Variants in PNPLA7 observed in about 807,000 individuals in gnomAD.
PNPLA7 encodes patatin like domain 7, lysophospholipase.
Under a neutral mutation model 161.7 loss-of-function variants are expected in PNPLA7, and 153 were observed. The observed-to-expected ratio is 0.95, with a 90% CI of 0.83 to 1.08. PNPLA7 has a LOEUF of 1.08. PNPLA7 is among the 50% of genes least tolerant of loss of function. PNPLA7 has a pLI of 0.00. For missense variants in PNPLA7, 1,739 were observed against 1,856.6 expected (o/e 0.94, Z 1.16); for synonymous variants, 809 against 782.1 (o/e 1.03, Z -0.57).
intron 20 of PNPLA7, chr9:137,491,685 G>A (rs1263794496): frequency 3.0e-6 from 3 of 985,310 alleles, no homozygotes; most frequent in Non-Finnish European, 2.4e-6. Flanking sequence ...CCTAGAGTGG[G>A]GCTCACACTT....
chr9:137,547,734 A>G lies in PNPLA7; in HGVS notation c.31-75T>C. On this transcript the variant is annotated intron_variant, in intron 1 of 34. Coordinates refer to ENST00000406427, the MANE Select transcript of PNPLA7 (RefSeq NM_001098537.3). The surrounding 1 kb of genome is among the most constrained non-coding windows in gnomAD (Gnocchi z 4.6). Reference sequence around the variant, plus strand: ...CGAACTTGTTCAGAGCAGCAGGAGGAGAGCTGGGAGTTAGGGGAGAAGTCA... The same window carrying G: ...CGAACTTGTTCAGAGCAGCAGGAGGGGAGCTGGGAGTTAGGGGAGAAGTCA... 3 of 1,388,514 alleles carry G rather than the reference A, an allele frequency of 2.2e-6. No individual in the cohort carries two copies. In the South Asian group the frequency reaches 3.5e-5, roughly 16 times the overall value. The allele number at this position is 1,388,514 out of a possible 1,614,324, so 86.0% of individuals were successfully genotyped here.
rs764769202 is a variant in PNPLA7 at position 137,497,286 on chromosome 9, C to T, written c.1914G>A (p.Thr638=). The T allele has an allele frequency of 5.1e-6, 8 of 1,581,750 alleles. No individual in the cohort carries two copies. The highest frequency in any genetic ancestry group is 3.6e-5 in the Admixed American group (2 of 56,286). ...GCAGCCGGCCGCTGAGCATGATGTA[C>T]GTGCAGTCGGACTTGTCCCCCTGCC... ...IYRQGDKSDC[T]YIMLSGRLRS... The change falls in exon 18 of 35, where the codon ACG becomes ACA. Residue 638 remains threonine (T), a synonymous_variant. Coordinates refer to ENST00000406427, the MANE Select transcript of PNPLA7 (RefSeq NM_001098537.3).
intron 31 of PNPLA7, 40 bp from the exon 32 acceptor site, chr9:137,462,081 GC>G (rs781366750): frequency 1.8e-4 from 279 of 1,531,138 alleles, no homozygotes; most frequent in Non-Finnish European, 2.3e-4. Context: ...GGTGTGGGGA[GC>G]CCCCCACTTC....
chr9:137,464,052 C>G (rs1380072924), intron 28 of PNPLA7, 74 bp downstream of exon 28: 1 of 1,523,544 alleles, frequency 6.6e-7, no homozygotes, highest in Non-Finnish European at 9.0e-7. Context: ...CTTCCCAACC[C>G]CTGGGGCTGC....
At chr9:137,522,616 T>C in intron 9 of PNPLA7, 113 bp downstream of exon 9, 4 of 1,212,394 alleles carry the variant, frequency 3.3e-6, no homozygotes, top group Non-Finnish European at 4.7e-6. Context: ...GCTGTAAAGC[T>C]CAGAACTGAG....
Position 137,462,182 on chromosome 9 carries a change from G to C in PNPLA7, c.3642C>G (p.Ile1214Met), listed in dbSNP as rs750606934. 158 of 1,564,224 alleles carry C rather than the reference G, an allele frequency of 1.0e-4. No homozygotes were observed. Among genetic ancestry groups the C allele is most frequent in the Non-Finnish European group, 1.3e-4 (146 of 1,151,296 alleles). ...STLDFGKFNEICEVGYQHGRT... is the reference protein window; with the variant it reads ...STLDFGKFNEMCEVGYQHGRT... ...GCCGCGGGTGGCCGGCACTCACGCA[G>C]ATCTCGTTGAACTTGCCGAAGTCCA... Residue 1214 changes from isoleucine to methionine, a missense_variant, in exon 31 of 35, where the codon ATC (isoleucine) becomes ATG (methionine). Physicochemically the swap from Ile to Met is conservative, Grantham distance 10 (BLOSUM62 1). This residue lies in a region of PNPLA7 where 703 missense variants were observed against 694.6 expected (regional missense o/e 1.01). Transcript: ENST00000406427.
rs943138327 is a variant in PNPLA7 at position 137,498,731 on chromosome 9, C to T, written c.1758-486G>A. On this transcript the variant is annotated intron_variant, in intron 16 of 34. Coordinates refer to ENST00000406427, the MANE Select transcript of PNPLA7 (RefSeq NM_001098537.3). ...CCTCTGACCCGGGGAACACTGTTCT[C>T]TCCCCGGTGGTCGTGTGTGGACAGA... 9.2e-5 allele frequency among the ~76,000 whole-genome samples: 14 copies of T among 152,260 alleles called. No individual in the cohort carries two copies. The East Asian group carries it at 1.2e-3, about 13-fold the overall frequency.
chr9:137,470,747 T>C (rs1831668160), intron 25 of PNPLA7, among the ~76,000 whole-genome samples: 1 of 152,230 alleles, frequency 6.6e-6, no homozygotes, highest in Non-Finnish European at 1.5e-5. Flanking sequence ...ACAGGATAAC[T>C]TTAACATCAG....
chr9:137,493,184 G>A (rs118060639), intron 19 of PNPLA7, 102 bp from the exon 20 acceptor site: 13,611 of 1,205,204 alleles, frequency 0.011, 111 homozygotes, highest in Non-Finnish European at 0.014. Context: ...AGCCAATGGC[G>A]CTGGATCTGC....
At chr9:137,479,722 T>G (rs1588561092) in intron 23 of PNPLA7, 1 of 985,322 alleles carries the variant, frequency 1.0e-6, no homozygotes, top group African/African-American at 1.7e-5. Context: ...CGAACAGGAC[T>G]GGGTGGCCAT....
intron 8 of PNPLA7, among the ~76,000 whole-genome samples, chr9:137,539,451 C>T (rs1385462721): frequency 6.6e-6 from 1 of 152,176 alleles, no homozygotes; most frequent in Non-Finnish European, 1.5e-5. Context: ...GTAGGCAGAT[C>T]ACTTGATCCC....
In PNPLA7 at chr9:137,487,315, C is replaced by T. The variant is rs951426398; in HGVS notation, c.2198-2579G>A. Reference sequence around the variant, plus strand: ...TGGAGACGTGCAGAGGCATCCACACCGGGCCCTGGTCGGGATAAGCGCTTG... The same window carrying T: ...TGGAGACGTGCAGAGGCATCCACACTGGGCCCTGGTCGGGATAAGCGCTTG... On this transcript the variant is annotated intron_variant, in intron 20 of 34. Coordinates refer to ENST00000406427, the MANE Select transcript of PNPLA7 (RefSeq NM_001098537.3). Among the ~76,000 whole-genome samples the T allele has an allele frequency of 3.9e-5, 6 of 152,378 alleles. No homozygotes were observed. The East Asian group carries it at 5.8e-4, about 15-fold the overall frequency.
chr9:137,547,528 G>A lies in PNPLA7; in HGVS notation c.105+57C>T. 6.2e-7 allele frequency: 1 copy of A among 1,601,234 alleles called. No individual in the cohort carries two copies. Among genetic ancestry groups the A allele is most frequent in the South Asian group, 1.1e-5 (1 of 90,836 alleles). On this transcript the variant is annotated intron_variant, in intron 2 of 34. Transcript: ENST00000406427. This position sits in a 1 kb window ranked among gnomAD's most constrained non-coding sequence, Gnocchi z 4.6. ...GAGCCAGGGGATGGGGACAGGGAGA[G>A]GTGAAAAAGGCCACGGCCCATCCAG...
chr9:137,479,923 C>T (rs1832128867), intron 23 of PNPLA7: 1 of 981,234 alleles, frequency 1.0e-6, no homozygotes, highest in Non-Finnish European at 1.2e-6. Context: ...ACTAAGCAGC[C>T]AGAAAAAGCA....
At chr9:137,517,509 A>C (rs1460098887) in intron 11 of PNPLA7, among the ~76,000 whole-genome samples, 5 of 27,430 alleles carry the variant, frequency 1.8e-4, no homozygotes, top group Non-Finnish European at 2.1e-4. Context: ...ACTCCATCCC[A>C]CACTCACTCA....
At chr9:137,464,582 C>A in intron 26 of PNPLA7, 126 bp from the exon 27 acceptor site, 1 of 897,764 alleles carries the variant, frequency 1.1e-6, no homozygotes, top group South Asian at 1.4e-5. Flanking sequence ...GGGCCCCACC[C>A]ACGGTCCTGA....
intron 14 of PNPLA7, among the ~76,000 whole-genome samples, chr9:137,503,740 G>GAAAAAA (rs1833663930): frequency 7.3e-6 from 1 of 137,176 alleles, no homozygotes. Flanking sequence ...GGAAGGGGAA[G>GAAAAAA]GAAGAAGAAG....
intron 20 of PNPLA7, among the ~76,000 whole-genome samples, chr9:137,485,841 C>T (rs938968939): frequency 6.6e-6 from 1 of 152,198 alleles, no homozygotes; most frequent in African/African-American, 2.4e-5. Context: ...AGGGGCCCCT[C>T]GGCCAGCACA....
rs1012983720 is a variant in PNPLA7, at chr9:137,490,307, G to A, written c.2197+2706C>T. On this transcript the variant is annotated intron_variant, in intron 20 of 34. Transcript: ENST00000406427. The surrounding 1 kb of genome is among the most constrained non-coding windows in gnomAD (Gnocchi z 4.1). Reference sequence around the variant, plus strand: ...AGACAGGGTCTCACTATGTTGCCCGGGCTGGTCTCGAACTCTTGGGCTCAA... The same window carrying A: ...AGACAGGGTCTCACTATGTTGCCCGAGCTGGTCTCGAACTCTTGGGCTCAA... Among the ~76,000 whole-genome samples, 2 of 152,110 alleles carry A rather than the reference G, an allele frequency of 1.3e-5. No individual in the cohort carries two copies. The highest frequency in any genetic ancestry group is 6.5e-5 in the Admixed American group (1 of 15,274).
Sources: gnomAD v4.1 joint callset for allele counts (sites outside exome capture counted in the v4.1 genomes callset) on GRCh38, gnomAD v4.1.1 for gene constraint, gnomAD v4.1.1 regional missense constraint, Gnocchi (gnomAD v3.1) non-coding constraint, MANE v1.5 for transcripts, NCBI Gene and HGNC (gene_info 2026-07-23, HGNC 2026-07-21) for gene names.